The following RIIAD1 variants were observed in gnomAD, a reference collection of about 807,000 sequenced individuals.
RIIAD1 encodes the protein RIIa domain-containing protein 1.
A neutral mutation model predicts 13.3 loss-of-function variants in RIIAD1; 15 were observed. The observed-to-expected ratio is 1.13, with a 90% CI of 0.76 to 1.74. RIIAD1 has a LOEUF of 1.74. RIIAD1 is among the 40% of genes most tolerant of loss of function. RIIAD1 has a pLI of 0.00. For synonymous variants in RIIAD1, 50 were observed against 43.3 expected, an observed-to-expected ratio of 1.16 and a Z score of -0.61; for missense variants, 121 against 112.2, an observed-to-expected ratio of 1.08 and a Z score of -0.35.
chr1:151,722,485 G>A (rs1459164613), intron 2 of RIIAD1, among the ~76,000 whole-genome samples: 1 of 152,166 alleles, frequency 6.6e-6, no homozygotes, highest in Non-Finnish European at 1.5e-5. Flanking sequence ...AGGGTTGGAA[G>A]CCACTCTTTT....
At chr1:151,715,915 G>A (rs756330362) in intron 4 of RIIAD1, 1 of 1,614,108 alleles carries the variant, frequency 6.2e-7, no homozygotes, top group Non-Finnish European at 8.5e-7. Context: ...ATGACAGTCA[G>A]CTCAAAGATC....
intron 2 of RIIAD1, among the ~76,000 whole-genome samples, chr1:151,724,494 AC>A (rs1404129809): frequency 2.6e-5 from 4 of 151,904 alleles, no homozygotes; most frequent in Non-Finnish European, 1.5e-5. Flanking sequence ...AGTCCTGAGC[AC>A]CGTGCCTGTC....
intron 2 of RIIAD1, among the ~76,000 whole-genome samples, chr1:151,723,309 G>A (rs562225876): frequency 1.7e-3 from 263 of 152,226 alleles, no homozygotes; most frequent in Middle Eastern, 6.8e-3. Context: ...CAGGAGAATC[G>A]CTTGAACCCA....
At chr1:151,717,144 G>C (rs768795467), upstream of RIIAD1, among the ~76,000 whole-genome samples, 1 of 152,152 alleles carries the variant, frequency 6.6e-6, no homozygotes, top group Non-Finnish European at 1.5e-5. Flanking sequence ...GGGGGGTGGC[G>C]GGGAAAGAGG....
At chr1:151,715,943 G>T in intron 4 of RIIAD1, 1 of 1,614,186 alleles carries the variant, frequency 6.2e-7, no homozygotes, top group Non-Finnish European at 8.5e-7. Context: ...ACTGTTCGAA[G>T]ATGGGCTTCA....
At chr1:151,723,345 G>A (rs1024509016) in intron 2 of RIIAD1, among the ~76,000 whole-genome samples, 2 of 151,900 alleles carry the variant, frequency 1.3e-5, no homozygotes, top group Admixed American at 6.6e-5. Flanking sequence ...AGTGAGCTGG[G>A]ATTGCTCCAT....
chr1:151,725,279 T>G (rs1262955915), intron 2 of RIIAD1, among the ~76,000 whole-genome samples: 1 of 151,716 alleles, frequency 6.6e-6, no homozygotes, highest in Non-Finnish European at 1.5e-5. Context: ...CCCGGCTAAT[T>G]TTTTGTATTT....
intron 2 of RIIAD1, among the ~76,000 whole-genome samples, chr1:151,727,235 G>GCAC (rs1007879886): frequency 2.6e-5 from 4 of 152,182 alleles, no homozygotes; most frequent in African/African-American, 9.7e-5. Flanking sequence ...ACTCCAGGCT[G>GCAC]GGTGACAGAG....
intron 2 of RIIAD1, among the ~76,000 whole-genome samples, chr1:151,724,780 C>T (rs1482175534): frequency 6.6e-6 from 1 of 151,190 alleles, no homozygotes; most frequent in Non-Finnish European, 1.5e-5. Flanking sequence ...TGATAGATAG[C>T]CAGGTATGAA....
chr1:151,728,708 T>G, intron 3 of RIIAD1, 58 bp from the exon 4 acceptor site: 1 of 1,031,402 alleles, frequency 9.7e-7, no homozygotes, highest in East Asian at 2.6e-5. Flanking sequence ...TCTCCTTCCA[T>G]GGGTAAATCT....
intron 2 of RIIAD1, among the ~76,000 whole-genome samples, chr1:151,713,164 G>A (rs1464437608): frequency 6.6e-6 from 1 of 152,184 alleles, no homozygotes; most frequent in East Asian, 1.9e-4. Context: ...GGCTAAAGTG[G>A]AGAATTCAGC....
At chr1:151,715,228 G>A (rs977489971) in intron 4 of RIIAD1, among the ~76,000 whole-genome samples, 1 of 151,944 alleles carries the variant, frequency 6.6e-6, no homozygotes, top group African/African-American at 2.4e-5. Context: ...CCCGGTGTGT[G>A]GAGCTCTCCA....
upstream of RIIAD1, among the ~76,000 whole-genome samples, chr1:151,718,911 A>T (rs1673678211): frequency 6.6e-6 from 1 of 152,160 alleles, no homozygotes; most frequent in South Asian, 2.1e-4. Flanking sequence ...CTGAGGATGG[A>T]GAAGGGGAAG....
chr1:151,713,981 G>T (rs1201051698), intron 3 of RIIAD1, among the ~76,000 whole-genome samples: 1 of 152,134 alleles, frequency 6.6e-6, no homozygotes, highest in African/African-American at 2.4e-5. Flanking sequence ...CCTCTACAAT[G>T]TCTGTCCCTG....
At chr1:151,716,779 G>C (rs1326848119), upstream of RIIAD1, 6 of 462,150 alleles carry the variant, frequency 1.3e-5, no homozygotes, top group Admixed American at 9.6e-5. Context: ...TCTGCTCTCC[G>C]GCCGCGCTCT....
intron 2 of RIIAD1, among the ~76,000 whole-genome samples, chr1:151,725,991 C>A (rs1163948406): frequency 6.6e-6 from 1 of 152,208 alleles, no homozygotes; most frequent in African/African-American, 2.4e-5. Flanking sequence ...CTCTTTTGGA[C>A]TCAAGATAGA....
At chr1:151,715,745 A>G (rs1036190853) in intron 4 of RIIAD1, 1 of 1,593,502 alleles carries the variant, frequency 6.3e-7, no homozygotes, top group East Asian at 2.2e-5. Flanking sequence ...TCCTCCATCC[A>G]CTTTCCTCAG....
At chr1:151,712,040 C>T (rs1673067758) in intron 2 of RIIAD1, 2 of 152,488 alleles carry the variant, frequency 1.3e-5, no homozygotes, top group Non-Finnish European at 2.9e-5. Context: ...CCTTGGCGCT[C>T]CAGTGTCCCC....
At chr1:151,719,962 T>A (rs1673706497), upstream of RIIAD1, among the ~76,000 whole-genome samples, 1 of 152,198 alleles carries the variant, frequency 6.6e-6, no homozygotes, top group Non-Finnish European at 1.5e-5. Context: ...TTGTCTAATA[T>A]AATACAAGCC....
Sources: allele counts gnomAD v4.1 joint callset (sites outside exome capture counted in the v4.1 genomes callset), GRCh38; gene constraint gnomAD v4.1.1; transcripts MANE v1.5; gene names NCBI Gene and HGNC (gene_info 2026-07-23, HGNC 2026-07-21).